Variants in ICA1 observed in about 807,000 individuals in gnomAD.
The protein encoded by ICA1 is islet cell autoantigen 1, also known as 69 kDa islet cell autoantigen.
A neutral mutation model predicts 71.0 loss-of-function variants in ICA1; 40 were observed. The ratio of observed to expected loss-of-function variants is 0.56; its 90% CI spans 0.44 to 0.73. The LOEUF is 0.73. Ranked by LOEUF, ICA1 falls within the 30% of genes least tolerant of loss-of-function variation. ICA1 has a pLI of 0.00. For missense variants in ICA1, 578 were observed against 576.5 expected (o/e 1.00, Z -0.03); for synonymous variants, 207 against 209.5 (o/e 0.99, Z 0.10).
intron 8 of ICA1, among the ~76,000 whole-genome samples, chr7:8,148,526 G>A (rs1017045135): frequency 3.3e-5 from 5 of 151,930 alleles, no homozygotes; most frequent in South Asian, 2.1e-4. Flanking sequence ...TTGTTACATC[G>A]TAAGAACTTA....
At chr7:8,197,105 C>A (rs1787882544) in intron 6 of ICA1, among the ~76,000 whole-genome samples, 1 of 150,442 alleles carries the variant, frequency 6.6e-6, no homozygotes, top group South Asian at 2.1e-4. Flanking sequence ...TACACATGAG[C>A]ATTTAAAAAA....
intron 1 of ICA1, among the ~76,000 whole-genome samples, chr7:8,249,414 G>C (rs1354903599): frequency 2.0e-5 from 3 of 152,186 alleles, no homozygotes; most frequent in Non-Finnish European, 4.4e-5. Flanking sequence ...CACGCAACAG[G>C]GGAAACAGAG....
intron 4 of ICA1, among the ~76,000 whole-genome samples, chr7:8,224,155 G>A (rs1563083241): frequency 6.6e-6 from 1 of 152,196 alleles, no homozygotes; most frequent in Non-Finnish European, 1.5e-5. Context: ...GAGATGGGGA[G>A]TTAAGAGTGA....
chr7:8,148,430 T>C (rs952992443), intron 8 of ICA1, among the ~76,000 whole-genome samples: 10 of 152,146 alleles, frequency 6.6e-5, no homozygotes, highest in African/African-American at 2.2e-4. Context: ...TAAATGTACA[T>C]ATAACTTAGA....
chr7:8,197,000 G>A (rs1787824832), intron 6 of ICA1, among the ~76,000 whole-genome samples: 1 of 152,060 alleles, frequency 6.6e-6, no homozygotes, highest in South Asian at 2.1e-4. Flanking sequence ...ATGTGCAACT[G>A]TGAGTCAATT....
chr7:8,214,897 C>T (rs1794924017), intron 6 of ICA1, among the ~76,000 whole-genome samples: 1 of 152,166 alleles, frequency 6.6e-6, no homozygotes, highest in Non-Finnish European at 1.5e-5. Context: ...GCTTATTCTA[C>T]TTATTTCTAA....
In ICA1 at chr7:8,130,010, C is replaced by T. The variant is rs1245643232; in HGVS notation, c.1061-1868G>A. Reference sequence around the variant, plus strand: ...GAGAATGATGGTTTCCAGCTTCATCCATGTCCCTACAAAGGACATGAACTC... The same window carrying T: ...GAGAATGATGGTTTCCAGCTTCATCTATGTCCCTACAAAGGACATGAACTC... On this transcript the variant is annotated intron_variant, in intron 12 of 13. Coordinates refer to ENST00000402384, the MANE Select transcript of ICA1 (RefSeq NM_001136020.3). The surrounding 1 kb of genome is among the most constrained non-coding windows in gnomAD (Gnocchi z 4.2). Among the ~76,000 whole-genome samples, 4 of 151,968 alleles carry T rather than the reference C, an allele frequency of 2.6e-5. No homozygotes were observed. The highest frequency in any genetic ancestry group is 9.7e-5 in the African/African-American group (4 of 41,362).
chr7:8,170,469 C>A (rs1807893347), intron 6 of ICA1, among the ~76,000 whole-genome samples: 1 of 151,922 alleles, frequency 6.6e-6, no homozygotes. Flanking sequence ...GGAATGCATT[C>A]TCTCTCTCCA....
chr7:8,255,009 G>C (rs1809570237), intron 1 of ICA1, among the ~76,000 whole-genome samples: 1 of 152,100 alleles, frequency 6.6e-6, no homozygotes, highest in Admixed American at 6.5e-5. Flanking sequence ...GTGCACCCCT[G>C]CTCACTTCTT....
Position 8,247,540 on chromosome 7 carries a change from T to C in ICA1, c.-79-11535A>G, listed in dbSNP as rs1477351124. Among the ~76,000 whole-genome samples, 5 of 152,286 alleles carry C rather than the reference T, an allele frequency of 3.3e-5. No homozygotes were observed. In the East Asian group the frequency reaches 5.8e-4, roughly 18 times the overall value. On this transcript the variant is annotated intron_variant, in intron 1 of 13. Coordinates refer to ENST00000402384, the MANE Select transcript of ICA1 (RefSeq NM_001136020.3). The stretch of plus-strand genomic sequence containing the variant: ...CAGCTTGGCCATAAGACATGCATAG[T>C]AGTTTTTTCCTAACACCCAAAGGTA...
intron 13 of ICA1, 138 bp from the exon 14 acceptor site, chr7:8,114,182 T>G: frequency 1.1e-6 from 1 of 932,682 alleles, no homozygotes; most frequent in Non-Finnish European, 1.6e-6. Context: ...TCTCTGACAA[T>G]AGTTAGGGAA....
At chr7:8,126,703 C>G (rs1406397724) in intron 13 of ICA1, among the ~76,000 whole-genome samples, 1 of 152,086 alleles carries the variant, frequency 6.6e-6, no homozygotes, top group African/African-American at 2.4e-5. Context: ...ATTAGGGAGA[C>G]AGCCTAAATT....
chr7:8,216,705 G>T (rs1037946077), intron 6 of ICA1, among the ~76,000 whole-genome samples: 1 of 152,136 alleles, frequency 6.6e-6, no homozygotes, highest in Non-Finnish European at 1.5e-5. Context: ...CACAAGAGAG[G>T]AATTAGTATG....
At position 8,123,381 on chromosome 7, in the gene ICA1, C is replaced by T. The variant is rs535925996; in HGVS notation, c.1330+4492G>A. On this transcript the variant is annotated intron_variant, in intron 13 of 13. Transcript: ENST00000402384. The surrounding 1 kb of genome is among the most constrained non-coding windows in gnomAD (Gnocchi z 4.1). ...GAGGAGGAAACTGAAGAGATGAAGG[C>T]GGAAGAGGAGGGGGAAATGTGGATT... 4.6e-5 allele frequency among the ~76,000 whole-genome samples: 7 copies of T among 151,638 alleles called. No individual in the cohort carries two copies. In the South Asian group the frequency reaches 8.4e-4, roughly 18 times the overall value.
chr7:8,212,915 C>G (rs992288916), intron 6 of ICA1, among the ~76,000 whole-genome samples: 9 of 152,190 alleles, frequency 5.9e-5, no homozygotes, highest in African/African-American at 1.7e-4. Context: ...TCATCCAAAG[C>G]CTCATCTCAT....
chr7:8,126,585 C>T (rs1003680891), intron 13 of ICA1, among the ~76,000 whole-genome samples: 2 of 151,924 alleles, frequency 1.3e-5, no homozygotes, highest in African/African-American at 4.8e-5. Context: ...CTCTTGTGTC[C>T]ATGATCTCAT....
intron 6 of ICA1, among the ~76,000 whole-genome samples, chr7:8,188,366 A>G (rs985611915): frequency 3.9e-5 from 6 of 152,116 alleles, no homozygotes; most frequent in African/African-American, 1.4e-4. Flanking sequence ...ACACAGAGCT[A>G]CCAAAATTAA....
chr7:8,189,830 C>A (rs1218972588), intron 6 of ICA1, among the ~76,000 whole-genome samples: 1 of 152,188 alleles, frequency 6.6e-6, no homozygotes, highest in Non-Finnish European at 1.5e-5. Context: ...GAGCCTACAG[C>A]AGCCTCTGAA....
intron 2 of ICA1, among the ~76,000 whole-genome samples, chr7:8,235,374 T>TA (rs1343442354): frequency 6.6e-6 from 1 of 152,192 alleles, no homozygotes; most frequent in Non-Finnish European, 1.5e-5. Context: ...TATAGGCACA[T>TA]AAATGTCAGC....
Sources: gnomAD v4.1 joint callset for allele counts (sites outside exome capture counted in the v4.1 genomes callset) on GRCh38, gnomAD v4.1.1 for gene constraint, Gnocchi (gnomAD v3.1) non-coding constraint, MANE v1.5 for transcripts, NCBI Gene and HGNC (gene_info 2026-07-23, HGNC 2026-07-21) for gene names.